The following PXDNL variants were observed in gnomAD, a reference collection of about 807,000 sequenced individuals.
The protein encoded by PXDNL is peroxidasin like.
In PXDNL, 145 loss-of-function variants were observed where a neutral mutation model predicts 150.8. The observed-to-expected ratio is 0.96, with a 90% CI of 0.84 to 1.10. PXDNL has a LOEUF of 1.10. PXDNL is among the 50% of genes least tolerant of loss of function. The probability of loss-of-function intolerance (pLI) is 0.00; values close to 1 mark genes in which losing one functional copy is unlikely to be tolerated. For synonymous variants in PXDNL, 757 were observed against 725.7 expected (o/e 1.04, Z -0.69); for missense variants, 2,087 against 1,873.9 (o/e 1.11, Z -2.10).
chr8:51,719,655 A>C (rs984803457), intron 1 of PXDNL, among the ~76,000 whole-genome samples: 1 of 151,774 alleles, frequency 6.6e-6, no homozygotes, highest in African/African-American at 2.4e-5. Flanking sequence ...AAAAAAAAAA[A>C]CTATTTCTAC....
intron 3 of PXDNL, among the ~76,000 whole-genome samples, chr8:51,578,073 AAAG>A (rs1198280525): frequency 7.1e-6 from 1 of 141,426 alleles, no homozygotes; most frequent in Non-Finnish European, 1.5e-5. Flanking sequence ...GAAAGAAAGA[AAAG>A]AAAGAAAAAG....
intron 19 of PXDNL, among the ~76,000 whole-genome samples, chr8:51,358,193 T>G (rs1453425948): frequency 6.6e-6 from 1 of 152,206 alleles, no homozygotes; most frequent in Non-Finnish European, 1.5e-5. Context: ...TGAATTATCT[T>G]TAAATGAAAT....
At chr8:51,418,616 T>A (rs1379206033) in intron 14 of PXDNL, among the ~76,000 whole-genome samples, 1 of 152,214 alleles carries the variant, frequency 6.6e-6, no homozygotes, top group Non-Finnish European at 1.5e-5. Flanking sequence ...TTAATTAATG[T>A]ATAGCATTTG....
intron 17 of PXDNL, among the ~76,000 whole-genome samples, chr8:51,399,659 C>T (rs1244888961): frequency 6.6e-6 from 1 of 152,122 alleles, no homozygotes; most frequent in Admixed American, 6.5e-5. Flanking sequence ...GTAATGATTA[C>T]AGAGGTATGA....
chr8:51,717,748 ACCTT>A (rs1332136950), intron 1 of PXDNL, among the ~76,000 whole-genome samples: 4 of 152,224 alleles, frequency 2.6e-5, no homozygotes, highest in African/African-American at 9.6e-5. Flanking sequence ...CATTGGCCCA[ACCTT>A]TCTGGCCTCT....
chr8:51,429,681 T>A (rs1293454794), intron 12 of PXDNL, among the ~76,000 whole-genome samples: 2 of 145,916 alleles, frequency 1.4e-5, no homozygotes, highest in African/African-American at 5.3e-5. Context: ...GTTCTTTTTT[T>A]CCTTTCTTTT....
At chr8:51,534,437 A>T (rs1812007881) in intron 4 of PXDNL, among the ~76,000 whole-genome samples, 1 of 114,420 alleles carries the variant, frequency 8.7e-6, no homozygotes. Context: ...CTGGGAAGTG[A>T]GGAGCCCCTC....
intron 20 of PXDNL, among the ~76,000 whole-genome samples, chr8:51,344,213 T>TC (rs1163598001): frequency 6.6e-6 from 1 of 152,028 alleles, no homozygotes; most frequent in African/African-American, 2.4e-5. Context: ...CAAGACATTT[T>TC]CCTGCCTCAG....
chr8:51,801,764 T>C (rs1300584317), intron 1 of PXDNL, among the ~76,000 whole-genome samples: 1 of 152,212 alleles, frequency 6.6e-6, no homozygotes, highest in Non-Finnish European at 1.5e-5. Flanking sequence ...CTAATTGTAT[T>C]GTGGCTGGAC....
intron 4 of PXDNL, among the ~76,000 whole-genome samples, chr8:51,551,223 G>A (rs34876624): frequency 0.069 from 10,523 of 152,166 alleles, 459 homozygotes; most frequent in South Asian, 0.1. Flanking sequence ...CAGATGGGTA[G>A]AATCAGTATT....
chr8:51,377,143 C>CACACACACAAAA (rs966278135), intron 17 of PXDNL, among the ~76,000 whole-genome samples: 2 of 149,252 alleles, frequency 1.3e-5, no homozygotes, highest in African/African-American at 5.1e-5. Context: ...CACACACACA[C>CACACACACAAAA]AAAGCCAAAG....
intron 1 of PXDNL, among the ~76,000 whole-genome samples, chr8:51,665,258 C>T (rs6987982): frequency 0.84 from 127,604 of 152,116 alleles, 53,804 homozygotes; most frequent in African/African-American, 0.92. Flanking sequence ...AAAGCGAACC[C>T]GCGGTGGGTC....
chr8:51,411,023 A>G (rs1808624350), intron 16 of PXDNL, among the ~76,000 whole-genome samples: 1 of 152,234 alleles, frequency 6.6e-6, no homozygotes, highest in Non-Finnish European at 1.5e-5. Context: ...TGTTCTCTAT[A>G]CATATAACTT....
chr8:51,517,385 G>A (rs1180071806), intron 4 of PXDNL, among the ~76,000 whole-genome samples: 5 of 151,988 alleles, frequency 3.3e-5, no homozygotes, highest in Admixed American at 1.3e-4. Flanking sequence ...AGTGTATACT[G>A]TGCAAAGTGC....
intron 1 of PXDNL, among the ~76,000 whole-genome samples, chr8:51,667,297 A>G (rs1019828860): frequency 2.0e-5 from 3 of 152,176 alleles, no homozygotes; most frequent in East Asian, 1.9e-4. Context: ...CACTGTGTTC[A>G]TTCAACAAAA....
chr8:51,780,661 T>C (rs1235498492), intron 1 of PXDNL, among the ~76,000 whole-genome samples: 30 of 141,224 alleles, frequency 2.1e-4, no homozygotes, highest in Non-Finnish European at 3.4e-4. Flanking sequence ...TTTCTTTTTT[T>C]TTTTTTTTTT....
intron 3 of PXDNL, among the ~76,000 whole-genome samples, chr8:51,582,672 A>C (rs1459597967): frequency 6.6e-6 from 1 of 152,122 alleles, no homozygotes. Context: ...TAGAATGTAA[A>C]ATGATGTTTT....
intron 1 of PXDNL, among the ~76,000 whole-genome samples, chr8:51,781,971 C>T (rs2037419717): frequency 6.6e-6 from 1 of 152,170 alleles, no homozygotes; most frequent in South Asian, 2.1e-4. Flanking sequence ...TTAGCTATGG[C>T]CTCCTCACCA....
intron 19 of PXDNL, among the ~76,000 whole-genome samples, chr8:51,346,851 G>C (rs1448511748): frequency 6.6e-6 from 1 of 152,118 alleles, no homozygotes; most frequent in Non-Finnish European, 1.5e-5. Context: ...CTACAGAACT[G>C]TGAGCCCATT....
Sources: gnomAD v4.1 joint callset for allele counts (sites outside exome capture counted in the v4.1 genomes callset) on GRCh38, gnomAD v4.1.1 for gene constraint, MANE v1.5 for transcripts, NCBI Gene and HGNC (gene_info 2026-07-23, HGNC 2026-07-21) for gene names.